Variants in VTA1 observed in about 807,000 individuals in gnomAD.
VTA1 encodes the protein vesicle trafficking 1.
Under a neutral mutation model 36.9 loss-of-function variants are expected in VTA1, and 24 were observed. That is an observed-to-expected ratio of 0.65 (90% CI 0.47 to 0.91). The LOEUF is 0.91. VTA1 is among the 40% of genes least tolerant of loss of function. The pLI is 0.00. For synonymous variants in VTA1, 142 were observed against 130.2 expected, an observed-to-expected ratio of 1.09 and a Z score of -0.62; for missense variants, 393 against 377.2, an observed-to-expected ratio of 1.04 and a Z score of -0.35.
intron 2 of VTA1, among the ~76,000 whole-genome samples, chr6:142,168,219 A>T (rs887187189): frequency 2.6e-5 from 4 of 152,198 alleles, no homozygotes; most frequent in Non-Finnish European, 5.9e-5. Context: ...CTGCCTTTAC[A>T]AATGATTTTG....
chr6:142,180,930 A>T (rs1040810179), intron 4 of VTA1, among the ~76,000 whole-genome samples: 2 of 151,584 alleles, frequency 1.3e-5, no homozygotes, highest in African/African-American at 2.4e-5. Context: ...AAAGGACGTG[A>T]TTGGGACAAT....
intron 4 of VTA1, among the ~76,000 whole-genome samples, chr6:142,175,128 TC>T (rs1775095598): frequency 6.6e-6 from 1 of 152,208 alleles, no homozygotes; most frequent in African/African-American, 2.4e-5. Context: ...TACTTAAAAT[TC>T]CATCCCTTTT....
At chr6:142,147,638 C>T (rs1251259802) in intron 1 of VTA1, among the ~76,000 whole-genome samples, 1 of 152,230 alleles carries the variant, frequency 6.6e-6, no homozygotes, top group African/African-American at 2.4e-5. Flanking sequence ...ACTACACAGG[C>T]TCTTGAACTG....
intron 4 of VTA1, among the ~76,000 whole-genome samples, chr6:142,186,586 T>C (rs1775343464): frequency 6.6e-6 from 1 of 151,820 alleles, no homozygotes; most frequent in African/African-American, 2.4e-5. Context: ...AGGCAAAGTA[T>C]AGAGAGAGCT....
chr6:142,148,514 G>A (rs961891802), intron 1 of VTA1, among the ~76,000 whole-genome samples: 6 of 152,070 alleles, frequency 3.9e-5, no homozygotes, highest in African/African-American at 1.2e-4. Context: ...CTCAAGCAGG[G>A]TCCATATTCA....
chr6:142,215,295 G>A (rs1775985499), intron 7 of VTA1, among the ~76,000 whole-genome samples: 2 of 152,168 alleles, frequency 1.3e-5, no homozygotes, highest in East Asian at 3.9e-4. Context: ...AAAAAAGTTA[G>A]CCAGGCCTGG....
intron 5 of VTA1, among the ~76,000 whole-genome samples, chr6:142,190,632 G>A (rs1222810143): frequency 6.6e-6 from 1 of 152,146 alleles, no homozygotes; most frequent in African/African-American, 2.4e-5. Flanking sequence ...TAAAGAGAAC[G>A]ACCACTGTTC....
At chr6:142,209,873 A>G (rs1449718300) in intron 7 of VTA1, among the ~76,000 whole-genome samples, 1 of 152,130 alleles carries the variant, frequency 6.6e-6, no homozygotes, top group Non-Finnish European at 1.5e-5. Context: ...TCAAAATGCC[A>G]AAGACATTCT....
intron 7 of VTA1, among the ~76,000 whole-genome samples, chr6:142,210,749 G>A (rs1444271418): frequency 6.6e-6 from 1 of 152,148 alleles, no homozygotes; most frequent in Non-Finnish European, 1.5e-5. Flanking sequence ...ATAGAGAACA[G>A]TGCAGAGGTT....
At chr6:142,181,390 C>T (rs921601525) in intron 4 of VTA1, among the ~76,000 whole-genome samples, 1 of 148,152 alleles carries the variant, frequency 6.7e-6, no homozygotes, top group Admixed American at 6.7e-5. Flanking sequence ...TCCTCGGCCT[C>T]CTGAAGTGCT....
chr6:142,147,743 A>G lies in VTA1; in HGVS notation c.112+344A>G, dbSNP rs77505254. On this transcript the variant is annotated intron_variant, in intron 1 of 7. Transcript: ENST00000367630. Reference sequence around the variant, plus strand: ...CTGAAAATAAATTGAGTTAGGTTTAAAACGAAGGTGAGTGTCCGAAAGAAG... The same window carrying G: ...CTGAAAATAAATTGAGTTAGGTTTAGAACGAAGGTGAGTGTCCGAAAGAAG... Among the ~76,000 whole-genome samples, 273 of 152,378 alleles carry G rather than the reference A, an allele frequency of 1.8e-3. 2 individuals carry two copies. Among genetic ancestry groups the G allele is most frequent in the African/African-American group, 6.3e-3 (263 of 41,596 alleles).
At chr6:142,166,681 G>A (rs181714037) in intron 2 of VTA1, among the ~76,000 whole-genome samples, 40 of 151,662 alleles carry the variant, frequency 2.6e-4, no homozygotes, top group African/African-American at 8.7e-4. Context: ...TTGCAGTGGC[G>A]TGATCTCTCG....
intron 1 of VTA1, among the ~76,000 whole-genome samples, chr6:142,160,889 T>C (rs1185305101): frequency 1.3e-5 from 2 of 152,170 alleles, no homozygotes; most frequent in Non-Finnish European, 2.9e-5. Flanking sequence ...TTTTTATTCT[T>C]TGGACAATGA....
intron 7 of VTA1, among the ~76,000 whole-genome samples, chr6:142,214,025 G>T (rs1262087410): frequency 1.3e-5 from 2 of 152,068 alleles, no homozygotes; most frequent in Non-Finnish European, 2.9e-5. Context: ...ACATGATCAG[G>T]CTGCAAATTT....
Position 142,189,459 on chromosome 6 carries a change from G to A in VTA1, c.445G>A (p.Ala149Thr), listed in dbSNP as rs756749028. The change falls in exon 5 of 8, where the codon GCA becomes ACA. Residue 149 changes from alanine to threonine, a missense_variant. Transcript: ENST00000367630. Reference protein sequence around the residue: ...VKHRKYARWKATYIHNCLKNG... With the variant: ...VKHRKYARWKTTYIHNCLKNG... The stretch of plus-strand genomic sequence containing the variant: ...ACACAGGAAGTATGCCAGATGGAAG[G>A]CAACATACATCCATAATTGTTTAAA... 5.6e-6 allele frequency: 9 copies of A among 1,613,812 alleles called. No individual in the cohort carries two copies. The Admixed American group carries it at 6.7e-5, about 12-fold the overall frequency.
intron 6 of VTA1, among the ~76,000 whole-genome samples, chr6:142,201,922 C>T (rs1775692963): frequency 1.3e-5 from 2 of 151,934 alleles, no homozygotes; most frequent in Non-Finnish European, 2.9e-5. Context: ...TCTGGATAGT[C>T]TTCTCTATAA....
intron 5 of VTA1, among the ~76,000 whole-genome samples, chr6:142,189,802 G>C (rs1037254283): frequency 2.6e-5 from 4 of 151,932 alleles, no homozygotes; most frequent in Admixed American, 6.6e-5. Flanking sequence ...TGTCGCCCAG[G>C]CTGGAGTGCA....
chr6:142,164,497 G>A (rs1774876495), intron 1 of VTA1, among the ~76,000 whole-genome samples: 1 of 151,926 alleles, frequency 6.6e-6, no homozygotes, highest in Admixed American at 6.6e-5. Context: ...CAAAGCCTAA[G>A]CACTAAAAAG....
At chr6:142,166,976 G>C (rs1275478902) in intron 2 of VTA1, among the ~76,000 whole-genome samples, 1 of 152,002 alleles carries the variant, frequency 6.6e-6, no homozygotes, top group African/African-American at 2.4e-5. Flanking sequence ...TGATTAATTT[G>C]GGAATCTTAA....
Sources: gnomAD v4.1 joint callset for allele counts (sites outside exome capture counted in the v4.1 genomes callset) on GRCh38, gnomAD v4.1.1 for gene constraint, MANE v1.5 for transcripts, NCBI Gene and HGNC (gene_info 2026-07-23, HGNC 2026-07-21) for gene names.